Variants in LTBP1 observed in about 807,000 individuals in gnomAD.
The protein encoded by LTBP1 is latent-transforming growth factor beta-binding protein 1.
In LTBP1, 129 loss-of-function variants were observed where a neutral mutation model predicts 207.6. The observed-to-expected ratio is 0.62, with a 90% CI of 0.54 to 0.72. LTBP1 has a LOEUF of 0.72. LTBP1 is among the 30% of genes least tolerant of loss of function. The probability of loss-of-function intolerance (pLI) is 0.00; values close to 1 mark genes in which losing one functional copy is unlikely to be tolerated. For missense variants in LTBP1, 2,281 were observed against 2,217.2 expected, an observed-to-expected ratio of 1.03 and a Z score of -0.58; for synonymous variants, 963 against 833.7, an observed-to-expected ratio of 1.16 and a Z score of -2.67.
At chr2:33,334,106 G>A (rs1464389143) in intron 24 of LTBP1, among the ~76,000 whole-genome samples, 1 of 152,316 alleles carries the variant, frequency 6.6e-6, no homozygotes, top group South Asian at 2.1e-4. Context: ...ACCTTATCAG[G>A]TGCTGTTTCA....
intron 7 of LTBP1, among the ~76,000 whole-genome samples, chr2:33,212,171 A>C (rs2090358107): frequency 6.6e-6 from 1 of 152,244 alleles, no homozygotes; most frequent in Non-Finnish European, 1.5e-5. Flanking sequence ...CAGTGTTCAT[A>C]CAGATGTGCA....
chr2:33,235,288 A>C (rs2091987556), intron 9 of LTBP1, among the ~76,000 whole-genome samples: 1 of 152,168 alleles, frequency 6.6e-6, no homozygotes, highest in Non-Finnish European at 1.5e-5. Context: ...GCAGCCAACA[A>C]ACATGAAAAA....
At position 33,119,166 on chromosome 2, in the gene LTBP1, A is replaced by ATT. The variant is rs34112067; in HGVS notation, c.1033+8424_1033+8425dup. Among the ~76,000 whole-genome samples, 975 of 150,076 alleles carry ATT rather than the reference A, an allele frequency of 6.5e-3. 14 individuals are homozygous for ATT. Among genetic ancestry groups the ATT allele is most frequent in the African/African-American group, 0.021 (880 of 40,934 alleles). ...TCCAGAATATTCTGGAGTCAGACTG[A>ATT]TTTTTTTTTTCCCTAGGGAAAGGTA... On this transcript the variant is annotated intron_variant, in intron 4 of 33. Transcript: ENST00000404816.
At chr2:33,315,073 C>G in intron 23 of LTBP1, 71 bp from the exon 24 acceptor site, 1 of 1,209,452 alleles carries the variant, frequency 8.3e-7, no homozygotes, top group South Asian at 1.5e-5. Flanking sequence ...ATTTATTTGC[C>G]ATCTGTTTGA....
intron 24 of LTBP1, among the ~76,000 whole-genome samples, chr2:33,316,228 T>C (rs945245554): frequency 6.6e-6 from 1 of 152,260 alleles, no homozygotes; most frequent in Non-Finnish European, 1.5e-5. Flanking sequence ...AAGATTCCCA[T>C]AATCATAATT....
intron 25 of LTBP1, among the ~76,000 whole-genome samples, chr2:33,343,410 C>CA (rs60879811): frequency 0.086 from 8,344 of 97,156 alleles, 767 homozygotes; most frequent in African/African-American, 0.22. Context: ...GACCCTGTCT[C>CA]AAAAAAAAAA....
At chr2:32,972,703 G>T (rs1681093606) in intron 2 of LTBP1, among the ~76,000 whole-genome samples, 1 of 152,176 alleles carries the variant, frequency 6.6e-6, no homozygotes, top group African/African-American at 2.4e-5. Context: ...CTGTTCTTGT[G>T]ATAGTGAGGG....
chr2:33,337,483 T>A (rs532008009), intron 24 of LTBP1, among the ~76,000 whole-genome samples: 1 of 152,368 alleles, frequency 6.6e-6, no homozygotes, highest in Non-Finnish European at 1.5e-5. Flanking sequence ...CTCCTTGGTT[T>A]GCATAATTCT....
chr2:33,174,879 C>A (rs1382204259), intron 5 of LTBP1, among the ~76,000 whole-genome samples: 2 of 149,196 alleles, frequency 1.3e-5, no homozygotes, highest in South Asian at 4.3e-4. Context: ...TGATCTTTGA[C>A]AAACCTGAGA....
chr2:33,082,961 G>C (rs1363414535), intron 3 of LTBP1, among the ~76,000 whole-genome samples: 1 of 152,008 alleles, frequency 6.6e-6, no homozygotes, highest in African/African-American at 2.4e-5. Flanking sequence ...CAGTTCTCCA[G>C]GCCCTTGGGC....
intron 26 of LTBP1, among the ~76,000 whole-genome samples, chr2:33,349,756 C>G (rs546614721): frequency 2.8e-4 from 43 of 152,334 alleles, no homozygotes; most frequent in Non-Finnish European, 4.9e-4. Flanking sequence ...GCCCTAGAAA[C>G]AGCTCTTCTG....
intron 26 of LTBP1, among the ~76,000 whole-genome samples, chr2:33,352,888 C>G (rs1321127835): frequency 1.3e-5 from 2 of 152,032 alleles, no homozygotes; most frequent in Non-Finnish European, 2.9e-5. Context: ...ATGGTTACCC[C>G]AAACAATTAC....
intron 7 of LTBP1, among the ~76,000 whole-genome samples, chr2:33,216,182 T>C (rs2090684628): frequency 2.0e-5 from 3 of 152,164 alleles, no homozygotes; most frequent in Admixed American, 2.0e-4. Context: ...TTAACAAAAA[T>C]GCATCTCAGA....
intron 7 of LTBP1, among the ~76,000 whole-genome samples, chr2:33,214,635 G>A (rs1374707319): frequency 6.6e-6 from 1 of 152,140 alleles, no homozygotes; most frequent in African/African-American, 2.4e-5. Flanking sequence ...TGAGAGCCCT[G>A]TCTTCAAACA....
intron 26 of LTBP1, among the ~76,000 whole-genome samples, chr2:33,354,120 C>G (rs2094822403): frequency 6.6e-6 from 1 of 152,124 alleles, no homozygotes; most frequent in African/African-American, 2.4e-5. Flanking sequence ...ACCTCAGCCT[C>G]CCAAAGTGCT....
intron 5 of LTBP1, among the ~76,000 whole-genome samples, chr2:33,186,446 T>C (rs946578198): frequency 6.6e-6 from 1 of 152,140 alleles, no homozygotes; most frequent in Non-Finnish European, 1.5e-5. Flanking sequence ...CCATACACAC[T>C]ACCAGGCCAT....
chr2:33,354,221 T>C (rs1045440468), intron 26 of LTBP1, among the ~76,000 whole-genome samples: 3 of 152,164 alleles, frequency 2.0e-5, no homozygotes, highest in African/African-American at 7.2e-5. Context: ...TCAACTGTTA[T>C]ATTTGGCAGA....
chr2:33,244,680 C>T (rs574453286), intron 10 of LTBP1, among the ~76,000 whole-genome samples: 2 of 151,608 alleles, frequency 1.3e-5, no homozygotes, highest in Non-Finnish European at 2.9e-5. Flanking sequence ...GCTATGTTGC[C>T]TAGGCTGGAC....
chr2:32,991,061 A>G (rs1023433713), intron 2 of LTBP1, among the ~76,000 whole-genome samples: 1 of 152,226 alleles, frequency 6.6e-6, no homozygotes, highest in African/African-American at 2.4e-5. Flanking sequence ...AAGTGTAATG[A>G]CAACATTATG....
Sources: allele counts gnomAD v4.1 joint callset (sites outside exome capture counted in the v4.1 genomes callset), GRCh38; gene constraint gnomAD v4.1.1; transcripts MANE v1.5; gene names NCBI Gene and HGNC (gene_info 2026-07-23, HGNC 2026-07-21).